KIF9: variants seen among roughly 807,000 people sequenced by gnomAD.
KIF9 encodes kinesin-like protein KIF9.
A neutral mutation model predicts 94.8 loss-of-function variants in KIF9; 68 were observed. The ratio of observed to expected loss-of-function variants is 0.72; its 90% CI spans 0.59 to 0.88. The LOEUF (loss-of-function observed/expected upper bound fraction) is 0.88. Among genes scored for constraint, KIF9 ranks in the 40% least tolerant of loss-of-function variants. The pLI, the probability that KIF9 is intolerant of heterozygous loss-of-function variation, is 0.00. For missense variants in KIF9, 882 were observed against 982.5 expected (o/e 0.90, Z 1.37); for synonymous variants, 343 against 362.1 (o/e 0.95, Z 0.60).
intron 15 of KIF9, 69 bp from the exon 16 acceptor site, chr3:47,243,314 A>G: frequency 7.3e-7 from 1 of 1,367,570 alleles, no homozygotes. Context: ...AGGATGAGTG[A>G]CCTTTCTCAG....
chr3:47,273,486 G>T (rs1280759044), intron 4 of KIF9, 66 bp downstream of exon 4: 5 of 1,283,012 alleles, frequency 3.9e-6, no homozygotes, highest in Middle Eastern at 2.4e-4. Flanking sequence ...CTGGCCCAGG[G>T]TCAGTAACAT....
At chr3:47,266,242 G>A (rs1279873893) in intron 7 of KIF9, among the ~76,000 whole-genome samples, 1 of 152,220 alleles carries the variant, frequency 6.6e-6, no homozygotes, top group African/African-American at 2.4e-5. Context: ...ACTCATGAAT[G>A]CACATACAAA....
intron 9 of KIF9, among the ~76,000 whole-genome samples, chr3:47,261,748 C>A (rs111679496): frequency 6.6e-6 from 1 of 152,124 alleles, no homozygotes; most frequent in African/African-American, 2.4e-5. Context: ...GGTGTATATG[C>A]GCTCTGTACA....
chr3:47,270,020 C>A (rs1012474680), intron 5 of KIF9, among the ~76,000 whole-genome samples: 2 of 151,448 alleles, frequency 1.3e-5, no homozygotes, highest in Admixed American at 1.3e-4. Context: ...CGCCTGCCTC[C>A]GCCTCCCAAA....
chr3:47,271,058 C>G (rs1300471899), intron 5 of KIF9, among the ~76,000 whole-genome samples, 179 bp downstream of exon 5: 1 of 151,522 alleles, frequency 6.6e-6, no homozygotes, highest in African/African-American at 2.4e-5. Flanking sequence ...GCAGGAGGAT[C>G]ACTTGAGCCC....
chr3:47,229,826 C>T (rs771618778), intron 20 of KIF9, among the ~76,000 whole-genome samples: 5 of 151,886 alleles, frequency 3.3e-5, no homozygotes, highest in Non-Finnish European at 7.4e-5. Flanking sequence ...CTCTGCCTCC[C>T]GGGTTCAAGC....
chr3:47,247,460 C>A lies in KIF9; in HGVS notation c.1146G>T (p.Val382=). Residue 382 remains valine (V), a synonymous_variant, in exon 12 of 21, where the codon GTG becomes GTT. Coordinates refer to ENST00000684063, the MANE Select transcript of KIF9 (RefSeq NM_182902.4). The part of the protein sequence containing the change: ...IHDSLTNRTF[V]TYDPMDEIQI... Reference sequence around the variant, plus strand: ...GGATTTCATCCATGGGGTCATAGGTCACAAAGGTGCGGTTGGTCTTGAAGG... The same window carrying A: ...GGATTTCATCCATGGGGTCATAGGTAACAAAGGTGCGGTTGGTCTTGAAGG... The A allele has an allele frequency of 6.2e-7, 1 of 1,613,458 alleles. No homozygotes were observed. The highest frequency in any genetic ancestry group is 1.1e-5 in the South Asian group (1 of 91,016).
intron 6 of KIF9, 51 bp from the exon 7 acceptor site, chr3:47,267,119 C>T (rs1381328050): frequency 1.2e-6 from 2 of 1,603,244 alleles, no homozygotes. Context: ...AAGTTTCTGA[C>T]TGAGCAGGCC....
intron 20 of KIF9, among the ~76,000 whole-genome samples, chr3:47,234,233 T>C (rs1250529991): frequency 6.6e-6 from 1 of 151,688 alleles, no homozygotes; most frequent in East Asian, 1.9e-4. Context: ...ATTTGTACTT[T>C]CTTTTTTTTT....
chr3:47,242,966 C>T, intron 16 of KIF9, 85 bp downstream of exon 16: 1 of 1,115,582 alleles, frequency 9.0e-7, no homozygotes, highest in Non-Finnish European at 1.3e-6. Flanking sequence ...TTTTATTTCT[C>T]TTTTATCTGC....
chr3:47,254,414 C>T (rs997972689), intron 10 of KIF9, among the ~76,000 whole-genome samples: 1 of 151,928 alleles, frequency 6.6e-6, no homozygotes, highest in African/African-American at 2.4e-5. Context: ...GCTGAGATCG[C>T]ACCACTGCAC....
chr3:47,273,884 A>G (rs1458213619), intron 3 of KIF9, among the ~76,000 whole-genome samples: 1 of 152,226 alleles, frequency 6.6e-6, no homozygotes, highest in Non-Finnish European at 1.5e-5. Context: ...GGTCCCCACA[A>G]TGCTCTGCTG....
intron 10 of KIF9, 43 bp downstream of exon 10, chr3:47,257,440 A>G (rs763721338): frequency 6.4e-7 from 1 of 1,558,202 alleles, no homozygotes; most frequent in Admixed American, 1.7e-5. Flanking sequence ...AAACCCATAC[A>G]CTTTCCCCAC....
chr3:47,249,304 C>T (rs540109986), intron 10 of KIF9, among the ~76,000 whole-genome samples: 4 of 152,180 alleles, frequency 2.6e-5, no homozygotes, highest in African/African-American at 9.6e-5. Flanking sequence ...TGCCACCACG[C>T]CCGGCTAATT....
chr3:47,235,729 G>T, intron 19 of KIF9, 112 bp from the exon 20 acceptor site: 2 of 812,354 alleles, frequency 2.5e-6, no homozygotes, highest in East Asian at 2.5e-5. Context: ...CCGCCCCACC[G>T]CCACCAAAAG....
At chr3:47,282,189 G>T (rs567619185) in intron 1 of KIF9, 2 of 985,442 alleles carry the variant, frequency 2.0e-6, no homozygotes, top group South Asian at 4.7e-5. Flanking sequence ...CCTCTAGTTC[G>T]AAAACTGACT....
chr3:47,266,029 T>C (rs866439627), intron 7 of KIF9, 152 bp from the exon 8 acceptor site: 8 of 704,826 alleles, frequency 1.1e-5, no homozygotes, highest in African/African-American at 7.1e-5. Flanking sequence ...TGTCATGCGA[T>C]TGTATTCCAT....
chr3:47,239,990 G>T, intron 17 of KIF9: 1 of 1,309,898 alleles, frequency 7.6e-7, no homozygotes, highest in African/African-American at 1.5e-5. Flanking sequence ...CCCAGAGTTG[G>T]AATGGTCACT....
At chr3:47,243,315 C>A in intron 15 of KIF9, 70 bp from the exon 16 acceptor site, 1 of 1,348,128 alleles carries the variant, frequency 7.4e-7, no homozygotes, top group Non-Finnish European at 1.0e-6. Flanking sequence ...GGATGAGTGA[C>A]CTTTCTCAGC....
Sources: allele counts gnomAD v4.1 joint callset (sites outside exome capture counted in the v4.1 genomes callset), GRCh38; gene constraint gnomAD v4.1.1; transcripts MANE v1.5; gene names NCBI Gene and HGNC (gene_info 2026-07-23, HGNC 2026-07-21).